The following FOXN3 variants were observed in gnomAD, a reference collection of about 807,000 sequenced individuals.
FOXN3 encodes the protein forkhead box N3, also known as forkhead box protein N3.
Under a neutral mutation model 38.4 loss-of-function variants are expected in FOXN3, and 7 were observed. The ratio of observed to expected loss-of-function variants is 0.18; its 90% confidence interval spans 0.10 to 0.34. The LOEUF is 0.34. FOXN3 is among the 10% of genes least tolerant of loss of function. The probability of loss-of-function intolerance (pLI) is 1.00; values close to 1 mark genes in which losing one functional copy is unlikely to be tolerated. For missense variants in FOXN3, 456 were observed against 613.4 expected (o/e 0.74, Z 2.71); for synonymous variants, 230 against 242.2 (o/e 0.95, Z 0.47).
chr14:89,305,085 C>T (rs1013622824), intron 3 of FOXN3, among the ~76,000 whole-genome samples: 2 of 152,058 alleles, frequency 1.3e-5, no homozygotes, highest in African/African-American at 4.8e-5. Flanking sequence ...AGAAAACTTA[C>T]GCTGAGCCCG....
chr14:89,316,290 A>G (rs2139966205), intron 3 of FOXN3, among the ~76,000 whole-genome samples: 1 of 152,174 alleles, frequency 6.6e-6, no homozygotes, highest in East Asian at 1.9e-4. Flanking sequence ...CCAAATATAC[A>G]AGGGAGCCCA....
At chr14:89,223,467 C>A (rs1425868886) in intron 4 of FOXN3, 1 of 152,382 alleles carries the variant, frequency 6.6e-6, no homozygotes, top group Non-Finnish European at 1.5e-5. Flanking sequence ...AAGGGGCCTG[C>A]TTGTCCACCT....
At position 89,339,755 on chromosome 14, in the gene FOXN3, G is replaced by A. The variant is rs543549487; in HGVS notation, c.680+10917C>T. On this transcript the variant is annotated intron_variant, in intron 3 of 5. Transcript: ENST00000557258. The stretch of plus-strand genomic sequence containing the variant: ...TCCTCCTCCTGAGGGTGACAGAGCC[G>A]CTGTGCCCATCTGCAGCACCAATTC... 6.6e-5 allele frequency among the ~76,000 whole-genome samples: 10 copies of A among 152,302 alleles called. 1 individual carries two copies. The South Asian group carries it at 1.4e-3, about 22-fold the overall frequency.
chr14:89,354,559 A>G (rs1889123872), intron 2 of FOXN3, among the ~76,000 whole-genome samples: 1 of 149,102 alleles, frequency 6.7e-6, no homozygotes, highest in Non-Finnish European at 1.5e-5. Flanking sequence ...AAAAAAAAAA[A>G]AAGAAAAGAA....
At chr14:89,530,181 G>T (rs548000746) in intron 1 of FOXN3, among the ~76,000 whole-genome samples, 1 of 152,010 alleles carries the variant, frequency 6.6e-6, no homozygotes, top group African/African-American at 2.4e-5. Flanking sequence ...CTCGTGATCC[G>T]CCTGCCTCAG....
At chr14:89,362,783 CCACCACCAT>C (rs1220458091) in intron 2 of FOXN3, among the ~76,000 whole-genome samples, 2 of 141,862 alleles carry the variant, frequency 1.4e-5, no homozygotes, top group East Asian at 4.2e-4. Context: ...ACCACCACCA[CCACCACCAT>C]CTCCACCACC....
At chr14:89,211,936 T>C (rs927455651) in intron 4 of FOXN3, among the ~76,000 whole-genome samples, 30 of 152,264 alleles carry the variant, frequency 2.0e-4, no homozygotes, top group African/African-American at 6.0e-4. Flanking sequence ...TGGGAGGTGA[T>C]AGAGTTAGAG....
intron 4 of FOXN3, among the ~76,000 whole-genome samples, chr14:89,192,020 CATCAACT>C (rs1887962786): frequency 7.6e-6 from 1 of 130,908 alleles, no homozygotes; most frequent in African/African-American, 3.8e-5. Flanking sequence ...AATCATTAAT[CATCAACT>C]AACATATATA....
chr14:89,503,357 A>C (rs1314812389), intron 1 of FOXN3, among the ~76,000 whole-genome samples: 1 of 152,198 alleles, frequency 6.6e-6, no homozygotes, highest in Non-Finnish European at 1.5e-5. Flanking sequence ...CAGAAAAATA[A>C]ATCACCATTT....
chr14:89,333,749 T>TTAAA lies in FOXN3; in HGVS notation c.680+16922_680+16923insTTTA, dbSNP rs1555418764. Among the ~76,000 whole-genome samples the TTAAA allele has an allele frequency of 1.9e-4, 11 of 57,262 alleles. 2 individuals are homozygous for TTAAA. Among genetic ancestry groups the TTAAA allele is most frequent in the Non-Finnish European group, 3.8e-4 (11 of 28,826 alleles). 37.6% of individuals were successfully genotyped at this position (57,262 alleles called of 152,430 possible). ...GCCTGGGTGAACACAGAGAGACTAT[T>TTAAA]AAAAAAAAAAAAAAAAAAAAAAAAA... On this transcript the variant is annotated intron_variant, in intron 3 of 5. Coordinates refer to ENST00000557258, the MANE Select transcript of FOXN3 (RefSeq NM_005197.4).
chr14:89,293,273 G>A (rs1486687048), intron 3 of FOXN3, among the ~76,000 whole-genome samples: 1 of 152,182 alleles, frequency 6.6e-6, no homozygotes, highest in Non-Finnish European at 1.5e-5. Flanking sequence ...CAGTTCCCAG[G>A]GCACGCTCTC....
chr14:89,440,730 C>T (rs1006851890), intron 1 of FOXN3, among the ~76,000 whole-genome samples: 1 of 152,188 alleles, frequency 6.6e-6, no homozygotes, highest in Non-Finnish European at 1.5e-5. Flanking sequence ...CCCACCTGCA[C>T]CCAGGTGAAA....
chr14:89,363,947 A>AATAAATATATAT (rs1198064384), intron 2 of FOXN3, among the ~76,000 whole-genome samples: 1 of 111,400 alleles, frequency 9.0e-6, no homozygotes, highest in African/African-American at 5.2e-5. Flanking sequence ...CTGTCTGTAA[A>AATAAATATATAT]ATATATATAT....
At chr14:89,586,277 T>C (rs1439924553) in intron 1 of FOXN3, among the ~76,000 whole-genome samples, 1 of 152,032 alleles carries the variant, frequency 6.6e-6, no homozygotes, top group African/African-American at 2.4e-5. Flanking sequence ...GAAAGCAGGA[T>C]GTAAGAAAAG....
chr14:89,531,794 G>A (rs937221938), intron 1 of FOXN3, among the ~76,000 whole-genome samples: 1 of 100,092 alleles, frequency 1.0e-5, no homozygotes, highest in Non-Finnish European at 2.0e-5. Flanking sequence ...TTAAACGCCA[G>A]TGGTTCTTGT....
At chr14:89,177,068 T>A (rs1406375725) in intron 5 of FOXN3, among the ~76,000 whole-genome samples, 1 of 148,148 alleles carries the variant, frequency 6.8e-6, no homozygotes, top group Non-Finnish European at 1.5e-5. Context: ...TGGAGTGCAA[T>A]GGCACAATTT....
intron 1 of FOXN3, among the ~76,000 whole-genome samples, chr14:89,605,988 C>T (rs1896267260): frequency 6.6e-6 from 1 of 150,942 alleles, no homozygotes; most frequent in Admixed American, 6.6e-5. Flanking sequence ...TGGTAGTGCC[C>T]CATATAGTTT....
At chr14:89,410,503 G>A (rs10151458) in intron 2 of FOXN3, among the ~76,000 whole-genome samples, 35,105 of 152,086 alleles carry the variant, frequency 0.23, 5,430 homozygotes, top group African/African-American at 0.44. Context: ...ACTTTTCAGG[G>A]CTCAAAGTCA....
chr14:89,433,860 C>T (rs549071690), intron 1 of FOXN3, among the ~76,000 whole-genome samples: 13 of 149,758 alleles, frequency 8.7e-5, no homozygotes, highest in South Asian at 2.1e-4. Flanking sequence ...AATGGACAAA[C>T]GTCTAAAAAT....
Sources: allele counts gnomAD v4.1 joint callset (sites outside exome capture counted in the v4.1 genomes callset), GRCh38; gene constraint gnomAD v4.1.1; transcripts MANE v1.5; gene names NCBI Gene and HGNC (gene_info 2026-07-23, HGNC 2026-07-21).